Variants in FGGY observed in about 807,000 individuals in gnomAD.
The protein encoded by FGGY is FGGY carbohydrate kinase domain-containing protein.
Under a neutral mutation model 71.3 loss-of-function variants are expected in FGGY, and 72 were observed. That is an observed-to-expected ratio of 1.01 (90% confidence interval 0.84 to 1.23). The LOEUF is 1.23. FGGY is among the 50% of genes most tolerant of loss of function. The probability of loss-of-function intolerance (pLI) is 0.00; values close to 1 mark genes in which losing one functional copy is unlikely to be tolerated. For missense variants in FGGY, 668 were observed against 682.3 expected, an observed-to-expected ratio of 0.98 and a Z score of 0.23; for synonymous variants, 251 against 250.3, an observed-to-expected ratio of 1.00 and a Z score of -0.02.
At chr1:59,432,104 G>T (rs2067489785) in intron 5 of FGGY, among the ~76,000 whole-genome samples, 1 of 152,154 alleles carries the variant, frequency 6.6e-6, no homozygotes, top group African/African-American at 2.4e-5. Flanking sequence ...ATGCCTGTGT[G>T]ATGAATCATC....
At chr1:59,475,218 G>A (rs1234951192) in intron 6 of FGGY, among the ~76,000 whole-genome samples, 1 of 152,082 alleles carries the variant, frequency 6.6e-6, no homozygotes, top group African/African-American at 2.4e-5. Context: ...TTAGATTTCT[G>A]CTTCTAAATT....
chr1:59,651,270 G>T (rs555043889), intron 11 of FGGY, among the ~76,000 whole-genome samples: 1 of 152,038 alleles, frequency 6.6e-6, no homozygotes, highest in Non-Finnish European at 1.5e-5. Flanking sequence ...TATTAGGTCC[G>T]CTTGGTGCAG....
At chr1:59,614,633 T>C (rs2096730197) in intron 9 of FGGY, among the ~76,000 whole-genome samples, 1 of 152,186 alleles carries the variant, frequency 6.6e-6, no homozygotes, top group African/African-American at 2.4e-5. Context: ...AACATAGTGT[T>C]GGAAGTTCTG....
intron 4 of FGGY, among the ~76,000 whole-genome samples, chr1:59,369,100 C>G (rs1327586169): frequency 6.6e-6 from 1 of 152,186 alleles, no homozygotes; most frequent in East Asian, 1.9e-4. Flanking sequence ...CAAGCCGAAG[C>G]AGGGCGAGGC....
intron 5 of FGGY, among the ~76,000 whole-genome samples, chr1:59,416,539 A>T (rs996727058): frequency 1.3e-5 from 2 of 152,260 alleles, no homozygotes; most frequent in African/African-American, 4.8e-5. Context: ...TGACCAAAAC[A>T]CAAATAGTCT....
At chr1:59,625,107 T>C (rs573867139) in intron 9 of FGGY, among the ~76,000 whole-genome samples, 1 of 152,102 alleles carries the variant, frequency 6.6e-6, no homozygotes, top group Non-Finnish European at 1.5e-5. Context: ...ATCTTTTCCT[T>C]GTTGGAATGA....
intron 5 of FGGY, among the ~76,000 whole-genome samples, chr1:59,405,765 C>T (rs908016088): frequency 1.3e-5 from 2 of 152,094 alleles, no homozygotes; most frequent in African/African-American, 4.8e-5. Context: ...GGTTGGTTGG[C>T]TAGAGGAGTG....
chr1:59,454,481 C>T (rs1050408947), intron 5 of FGGY, among the ~76,000 whole-genome samples: 1 of 152,126 alleles, frequency 6.6e-6, no homozygotes, highest in Non-Finnish European at 1.5e-5. Flanking sequence ...GCTTGCATTC[C>T]TTCAGTATAT....
At chr1:59,448,110 C>G (rs559374810) in intron 5 of FGGY, among the ~76,000 whole-genome samples, 11 of 152,026 alleles carry the variant, frequency 7.2e-5, no homozygotes, top group Middle Eastern at 3.4e-3. Flanking sequence ...TAGGTTTTAC[C>G]TTTCTCAAGT....
intron 4 of FGGY, among the ~76,000 whole-genome samples, chr1:59,370,686 C>A (rs1161091414): frequency 6.6e-6 from 1 of 151,724 alleles, no homozygotes; most frequent in Non-Finnish European, 1.5e-5. Flanking sequence ...AAGGGAAGCC[C>A]ATCAGACTAA....
intron 2 of FGGY, among the ~76,000 whole-genome samples, chr1:59,335,127 T>C (rs1264087751): frequency 6.6e-6 from 1 of 152,240 alleles, no homozygotes; most frequent in Non-Finnish European, 1.5e-5. Context: ...AAATGTATAA[T>C]GCTGTTATTT....
At chr1:59,574,014 G>C (rs2153738803) in intron 8 of FGGY, among the ~76,000 whole-genome samples, 2 of 152,244 alleles carry the variant, frequency 1.3e-5, no homozygotes, top group South Asian at 4.1e-4. Context: ...ATGTTTGTGG[G>C]AGTGGTAGAT....
intron 15 of FGGY, among the ~76,000 whole-genome samples, chr1:59,759,620 C>G (rs2098325715): frequency 6.6e-6 from 1 of 152,228 alleles, no homozygotes; most frequent in Admixed American, 6.5e-5. Flanking sequence ...GGAGGCGGCA[C>G]ACACGGTGCT....
At chr1:59,666,133 G>A (rs536095281) in intron 12 of FGGY, among the ~76,000 whole-genome samples, 29 of 152,226 alleles carry the variant, frequency 1.9e-4, no homozygotes, top group African/African-American at 7.0e-4. Context: ...TGGTGGCTGT[G>A]CCATCTGTGG....
At position 59,554,163 on chromosome 1, in the gene FGGY, G is replaced by A. The variant is rs764088507; in HGVS notation, c.839G>A (p.Cys280Tyr). The A allele has an allele frequency of 1.2e-6, 2 of 1,613,566 alleles. No individual in the cohort carries two copies. The highest frequency in any genetic ancestry group is 1.7e-6 in the Non-Finnish European group (2 of 1,179,546). The change falls in exon 8 of 16, where the codon TGT becomes TAT. Residue 280 changes from cysteine (C) to tyrosine (Y), a missense_variant. Cys to Tyr is a radical substitution (Grantham distance 194). Around this residue, in one of 2 missense-constraint regions of FGGY, gnomAD observed 661 missense variants for 661.6 expected, o/e 1.00. Coordinates refer to ENST00000303721, the MANE Select transcript of FGGY (RefSeq NM_018291.5). ...GATGTGAGAGGGCACGGCCTCATCTGTGAGGGGCAGCCAGTGACGTCACGG... is the reference window on the plus strand; with the variant it reads ...GATGTGAGAGGGCACGGCCTCATCTATGAGGGGCAGCCAGTGACGTCACGG... ...GADVRGHGLI[C>Y]EGQPVTSRLA...
chr1:59,591,648 A>C (rs914261070), intron 8 of FGGY, among the ~76,000 whole-genome samples: 2 of 152,154 alleles, frequency 1.3e-5, no homozygotes, highest in Non-Finnish European at 2.9e-5. Context: ...ATCTATAACT[A>C]CCTGATCTTT....
In FGGY at chr1:59,366,843, C is replaced by CA. The variant is rs146585833; in HGVS notation, c.466-11905dup. On this transcript the variant is annotated intron_variant, in intron 4 of 15. Transcript: ENST00000303721. ...ATCTGAGCTGGATTTGAATCAAGGG[C>CA]AGAGGTTTGATAAAGGGAGAAGATG... Among the ~76,000 whole-genome samples the CA allele has an allele frequency of 3.2e-3, 485 of 152,058 alleles. 5 individuals are homozygous for CA. The highest frequency in any genetic ancestry group is 0.011 in the African/African-American group (447 of 41,476).
chr1:59,590,966 G>T (rs186433770), intron 8 of FGGY, among the ~76,000 whole-genome samples: 1 of 152,116 alleles, frequency 6.6e-6, no homozygotes, highest in Admixed American at 6.5e-5. Context: ...AGGAAAGAAA[G>T]GGTATTCAAT....
At chr1:59,679,766 A>T (rs1446878507) in intron 14 of FGGY, among the ~76,000 whole-genome samples, 1 of 152,150 alleles carries the variant, frequency 6.6e-6, no homozygotes, top group Non-Finnish European at 1.5e-5. Context: ...ATACTCAAAA[A>T]TATGTAGTAA....
Sources: allele counts gnomAD v4.1 joint callset (sites outside exome capture counted in the v4.1 genomes callset), GRCh38; gene constraint gnomAD v4.1.1; regional missense constraint gnomAD v4.1.1; transcripts MANE v1.5; gene names NCBI Gene and HGNC (gene_info 2026-07-23, HGNC 2026-07-21).